The following PPP1R16B variants were observed in gnomAD, a reference collection of about 807,000 sequenced individuals.
PPP1R16B encodes protein phosphatase 1 regulatory inhibitor subunit 16B.
In PPP1R16B, 14 loss-of-function variants were observed where a neutral mutation model predicts 61.7. That is an observed-to-expected ratio of 0.23 (90% CI 0.15 to 0.35). PPP1R16B has a LOEUF of 0.35. Among genes scored for constraint, PPP1R16B ranks in the 10% least tolerant of loss-of-function variants. The probability of loss-of-function intolerance (pLI) is 1.00; values close to 1 mark genes in which losing one functional copy is unlikely to be tolerated. For missense variants in PPP1R16B, 547 were observed against 752.5 expected (o/e 0.73, Z 3.19); for synonymous variants, 266 against 305.3 (o/e 0.87, Z 1.34).
chr20:38,910,439 G>A (rs894725476), intron 10 of PPP1R16B, among the ~76,000 whole-genome samples: 2 of 151,852 alleles, frequency 1.3e-5, no homozygotes, highest in Admixed American at 6.6e-5. Flanking sequence ...GATTAATTTT[G>A]TATATGCATA....
chr20:38,827,014 A>G (rs995073810), intron 1 of PPP1R16B, among the ~76,000 whole-genome samples: 7 of 152,092 alleles, frequency 4.6e-5, no homozygotes, highest in Admixed American at 1.3e-4. Flanking sequence ...GAGTGGTGTC[A>G]TCATAGCTCA....
chr20:38,813,091 G>T (rs370212914), intron 1 of PPP1R16B, among the ~76,000 whole-genome samples: 1 of 152,324 alleles, frequency 6.6e-6, no homozygotes, highest in East Asian at 1.9e-4. Flanking sequence ...GAAAGCAAAT[G>T]CAGCCTGTTG....
chr20:38,860,612 T>C (rs1216651088), intron 2 of PPP1R16B, among the ~76,000 whole-genome samples: 1 of 152,160 alleles, frequency 6.6e-6, no homozygotes, highest in Non-Finnish European at 1.5e-5. Context: ...CAGCCCGCAT[T>C]CCACTGACCA....
rs1185967226 is a variant in PPP1R16B at position 38,824,234 on chromosome 20, C to A, written c.-101-11591C>A. Among the ~76,000 whole-genome samples the A allele has an allele frequency of 2.0e-5, 3 of 152,276 alleles. No individual in the cohort carries two copies. The East Asian group carries it at 5.8e-4, about 29-fold the overall frequency. Reference sequence around the variant, plus strand: ...ACCTGGCATTCTTTGTTTCTAGGTTCATTTCATGTATCTAGTTTATAGGTT... The same window carrying A: ...ACCTGGCATTCTTTGTTTCTAGGTTAATTTCATGTATCTAGTTTATAGGTT... On this transcript the variant is annotated intron_variant, in intron 1 of 10. Transcript: ENST00000299824.
intron 2 of PPP1R16B, among the ~76,000 whole-genome samples, chr20:38,870,265 G>A (rs1036164560): frequency 1.3e-5 from 2 of 152,190 alleles, no homozygotes; most frequent in Admixed American, 1.3e-4. Flanking sequence ...TTGAGCACCT[G>A]TGGTGTGCCA....
At chr20:38,904,572 C>T (rs1299869188) in intron 6 of PPP1R16B, among the ~76,000 whole-genome samples, 1 of 152,140 alleles carries the variant, frequency 6.6e-6, no homozygotes, top group Non-Finnish European at 1.5e-5. Context: ...CAGCAGGTGT[C>T]ATTCTCTACA....
At chr20:38,875,980 T>G in intron 2 of PPP1R16B, among the ~76,000 whole-genome samples, 1 of 149,352 alleles carries the variant, frequency 6.7e-6, no homozygotes, top group Non-Finnish European at 1.5e-5. Flanking sequence ...CTTTTTTTTT[T>G]TTTTTTTTTT....
In PPP1R16B at chr20:38,889,545, G is replaced by A. The variant is rs1375853093; in HGVS notation, c.251-50G>A. The A allele has an allele frequency of 3.3e-6, 5 of 1,501,452 alleles. No individual in the cohort carries two copies. The South Asian group carries it at 4.5e-5, about 14-fold the overall frequency. The allele number at this position is 1,501,452 out of a possible 1,614,324, so 93.0% of individuals were successfully genotyped here. On this transcript the variant is annotated intron_variant, in intron 2 of 10. Coordinates refer to ENST00000299824, the MANE Select transcript of PPP1R16B (RefSeq NM_015568.4). ...GTCTTACCCGGGCCCCTGCATGCCT[G>A]CACACCCAGTGTGCAACGGGAAGCT...
Sources: allele counts gnomAD v4.1 joint callset (sites outside exome capture counted in the v4.1 genomes callset), GRCh38; gene constraint gnomAD v4.1.1; transcripts MANE v1.5; gene names NCBI Gene and HGNC (gene_info 2026-07-23, HGNC 2026-07-21).